The following CTNNA3 variants were observed in gnomAD, a reference collection of about 807,000 sequenced individuals.
CTNNA3 encodes catenin alpha-3.
A neutral mutation model predicts 95.7 loss-of-function variants in CTNNA3; 76 were observed. The observed-to-expected ratio is 0.79, with a 90% CI of 0.66 to 0.96. The LOEUF (loss-of-function observed/expected upper bound fraction) is 0.96. Ranked by LOEUF, CTNNA3 falls within the 40% of genes least tolerant of loss-of-function variation. CTNNA3 has a pLI of 0.00. For synonymous variants in CTNNA3, 431 were observed against 374.4 expected (o/e 1.15, Z -1.74); for missense variants, 1,191 against 1,089.8 (o/e 1.09, Z -1.31).
chr10:67,409,352 T>C (rs979017705), intron 5 of CTNNA3, among the ~76,000 whole-genome samples: 3 of 152,268 alleles, frequency 2.0e-5, no homozygotes, highest in Admixed American at 6.5e-5. Context: ...CCATCAATGA[T>C]AGACTGGATA....
intron 12 of CTNNA3, among the ~76,000 whole-genome samples, chr10:66,326,560 T>C (rs1036828327): frequency 1.3e-5 from 2 of 152,006 alleles, no homozygotes; most frequent in African/African-American, 4.8e-5. Flanking sequence ...TATAGGAAAA[T>C]AATACAATGA....
chr10:67,092,972 C>A (rs1246790127), intron 7 of CTNNA3, among the ~76,000 whole-genome samples: 1 of 151,964 alleles, frequency 6.6e-6, no homozygotes, highest in East Asian at 1.9e-4. Flanking sequence ...CATGATAATG[C>A]TTTCTAGAGA....
chr10:67,408,351 G>C (rs1371210914), intron 5 of CTNNA3, among the ~76,000 whole-genome samples: 1 of 152,136 alleles, frequency 6.6e-6, no homozygotes, highest in Non-Finnish European at 1.5e-5. Context: ...CAGGGCTACA[G>C]TAACCCAAAC....
intron 10 of CTNNA3, among the ~76,000 whole-genome samples, chr10:66,585,085 T>C (rs922582016): frequency 2.6e-5 from 4 of 152,076 alleles, no homozygotes; most frequent in Non-Finnish European, 5.9e-5. Context: ...ATAGGTTACC[T>C]GATGCTTTTA....
chr10:66,296,221 G>A (rs1234935144), intron 12 of CTNNA3, among the ~76,000 whole-genome samples: 1 of 152,068 alleles, frequency 6.6e-6, no homozygotes, highest in Non-Finnish European at 1.5e-5. Flanking sequence ...AGATTTATAG[G>A]AAGAGGCAAG....
Position 65,920,497 on chromosome 10 carries a change from G to T in CTNNA3, c.2521C>A (p.Pro841Thr), listed in dbSNP as rs1293070164. ...KIIRIQSPAGPRHPVVMWRMK... is the reference protein window; with the variant it reads ...KIIRIQSPAGTRHPVVMWRMK... Reference sequence around the variant, plus strand: ...CTCCACATCACAACTGGGTGCCGGGGCCCAGCAGGACTCTGGATTCGGATG... The same window carrying T: ...CTCCACATCACAACTGGGTGCCGGGTCCCAGCAGGACTCTGGATTCGGATG... Residue 841 changes from proline (P) to threonine (T), a missense_variant, in exon 18 of 18, where the codon CCC becomes ACC. Pro to Thr is a conservative substitution (Grantham distance 38, BLOSUM62 -1). Transcript: ENST00000433211. 6.2e-7 allele frequency: 1 copy of T among 1,614,092 alleles called. No homozygotes were observed. The highest frequency in any genetic ancestry group is 1.7e-5 in the Admixed American group (1 of 60,000).
chr10:66,529,340 C>A lies in CTNNA3; in HGVS notation c.1375-8567G>T, dbSNP rs1841377978. Among the ~76,000 whole-genome samples, 3 of 151,888 alleles carry A rather than the reference C, an allele frequency of 2.0e-5. No homozygotes were observed. In the South Asian group the frequency reaches 6.2e-4, roughly 32 times the overall value. On this transcript the variant is annotated intron_variant, in intron 10 of 17. Transcript: ENST00000433211. Reference sequence around the variant, plus strand: ...AGATATGGGGTTTCACCATGTTGGGCAGGCTGGTGTTGAATTCCTGACCTC... The same window carrying A: ...AGATATGGGGTTTCACCATGTTGGGAAGGCTGGTGTTGAATTCCTGACCTC...
At chr10:67,417,289 C>G (rs1302213727) in intron 5 of CTNNA3, among the ~76,000 whole-genome samples, 1 of 152,068 alleles carries the variant, frequency 6.6e-6, no homozygotes, top group African/African-American at 2.4e-5. Context: ...ACATTGTGGA[C>G]TCCAAGAGGG....
intron 5 of CTNNA3, among the ~76,000 whole-genome samples, chr10:67,499,532 G>A (rs1041080643): frequency 2.0e-5 from 3 of 152,188 alleles, no homozygotes; most frequent in Non-Finnish European, 4.4e-5. Context: ...TGGACCTCTG[G>A]TAGAATTCAG....
At chr10:67,687,951 G>A (rs1840765672) in intron 1 of CTNNA3, among the ~76,000 whole-genome samples, 3 of 152,180 alleles carry the variant, frequency 2.0e-5, no homozygotes, top group Admixed American at 2.0e-4. Context: ...TTGCTGACCA[G>A]TAGGGAATTT....
chr10:66,692,897 C>A (rs917463573), intron 9 of CTNNA3, among the ~76,000 whole-genome samples: 1 of 152,058 alleles, frequency 6.6e-6, no homozygotes, highest in South Asian at 2.1e-4. Flanking sequence ...AAATACTTTA[C>A]AGACAAGCAA....
At chr10:66,296,602 T>G (rs1047157546) in intron 12 of CTNNA3, among the ~76,000 whole-genome samples, 3 of 123,148 alleles carry the variant, frequency 2.4e-5, no homozygotes, top group African/African-American at 3.5e-5. Flanking sequence ...TATATCTATA[T>G]ATCTATATCT....
At chr10:66,465,497 G>T (rs1362229684) in intron 11 of CTNNA3, among the ~76,000 whole-genome samples, 1 of 152,136 alleles carries the variant, frequency 6.6e-6, no homozygotes, top group Non-Finnish European at 1.5e-5. Flanking sequence ...GTGAGAATCT[G>T]GTTAAGACCT....
chr10:67,661,148 C>A (rs964967205), intron 1 of CTNNA3, among the ~76,000 whole-genome samples: 6 of 151,486 alleles, frequency 4.0e-5, no homozygotes, highest in African/African-American at 1.5e-4. Flanking sequence ...TAAACTTTGA[C>A]CCAGCAATTC....
intron 5 of CTNNA3, among the ~76,000 whole-genome samples, chr10:67,372,861 A>T (rs1293139356): frequency 6.6e-6 from 1 of 152,230 alleles, no homozygotes; most frequent in East Asian, 1.9e-4. Context: ...CCAGAATTTC[A>T]TATCCAGCCA....
At chr10:65,992,101 C>A (rs2078558595) in intron 15 of CTNNA3, among the ~76,000 whole-genome samples, 1 of 152,086 alleles carries the variant, frequency 6.6e-6, no homozygotes, top group Non-Finnish European at 1.5e-5. Flanking sequence ...ATAAATCCCA[C>A]TTGATTAACA....
intron 1 of CTNNA3, among the ~76,000 whole-genome samples, chr10:67,740,620 C>T (rs1841331546): frequency 6.6e-6 from 1 of 151,408 alleles, no homozygotes; most frequent in Admixed American, 6.6e-5. Flanking sequence ...TATCATCTCA[C>T]ACCAGTTAGA....
At chr10:66,854,911 GTACTT>G (rs1309089864) in intron 7 of CTNNA3, among the ~76,000 whole-genome samples, 1 of 151,810 alleles carries the variant, frequency 6.6e-6, no homozygotes, top group African/African-American at 2.4e-5. Context: ...GTATACCAGA[GTACTT>G]TACTTAACCT....
chr10:67,266,576 C>T (rs1459716151), intron 5 of CTNNA3, among the ~76,000 whole-genome samples: 1 of 152,014 alleles, frequency 6.6e-6, no homozygotes, highest in East Asian at 1.9e-4. Context: ...CATTTTGAAT[C>T]CTCAAAGGAA....
Sources: allele counts gnomAD v4.1 joint callset (sites outside exome capture counted in the v4.1 genomes callset), GRCh38; gene constraint gnomAD v4.1.1; transcripts MANE v1.5; gene names NCBI Gene and HGNC (gene_info 2026-07-23, HGNC 2026-07-21).